JCAD: variants seen among roughly 807,000 people sequenced by gnomAD.
JCAD encodes the protein junctional cadherin 5-associated protein.
Under a neutral mutation model 98.0 loss-of-function variants are expected in JCAD, and 40 were observed. The observed-to-expected ratio is 0.41, with a 90% CI of 0.32 to 0.53. JCAD has a LOEUF of 0.53. JCAD is among the 20% of genes least tolerant of loss of function. The pLI, the probability that JCAD is intolerant of heterozygous loss-of-function variation, is 0.31. For missense variants in JCAD, 1,705 were observed against 1,738.1 expected (o/e 0.98, Z 0.34); for synonymous variants, 691 against 682.3 (o/e 1.01, Z -0.20).
intron 3 of JCAD, among the ~76,000 whole-genome samples, chr10:30,020,609 G>A (rs755838986): frequency 3.9e-5 from 6 of 152,156 alleles, no homozygotes; most frequent in African/African-American, 9.7e-5. Context: ...TTGCTCAAAC[G>A]TCATCAGCTG....
At chr10:30,068,890 C>T (rs1837832918) in intron 2 of JCAD, among the ~76,000 whole-genome samples, 1 of 152,232 alleles carries the variant, frequency 6.6e-6, no homozygotes, top group South Asian at 2.1e-4. Context: ...CTTGCCTTTC[C>T]TGTGAAAATC....
chr10:30,071,492 C>T (rs978452619), intron 1 of JCAD, among the ~76,000 whole-genome samples: 1 of 152,032 alleles, frequency 6.6e-6, no homozygotes, highest in African/African-American at 2.4e-5. Flanking sequence ...GGCTTAATAA[C>T]TGTGTTTAAG....
Position 30,029,082 on chromosome 10 carries a change from G to T in JCAD, c.1066C>A (p.Pro356Thr), listed in dbSNP as rs1234546117. The change falls in exon 3 of 4, where the codon CCC becomes ACC. Residue 356 changes from proline (P) to threonine (T), a missense_variant. Physicochemically the swap from Pro to Thr is conservative, Grantham distance 38. This residue lies in a region of JCAD where 275 missense variants were observed against 346.9 expected (regional missense o/e 0.79). Coordinates refer to ENST00000375377, the MANE Select transcript of JCAD (RefSeq NM_020848.4). ...YRSPPQNIPN[P>T]YLEDTVPINV... ...ATGGGCACCGTGTCTTCCAAGTAGG[G>T]GTTTGGGATGTTCTGCGGGGGCGAT... 1.2e-6 allele frequency: 2 copies of T among 1,614,072 alleles called. No homozygotes were observed. The highest frequency in any genetic ancestry group is 1.3e-5 in the African/African-American group (1 of 74,926).
rs1836554723 is a variant in JCAD, at chr10:30,017,318, C to G, written c.*565G>C. The G allele has an allele frequency of 6.5e-6, 1 of 154,316 alleles. No individual in the cohort carries two copies. The highest frequency in any genetic ancestry group is 1.4e-5 in the Non-Finnish European group (1 of 69,672). The allele number at this position is 154,316 out of a possible 1,614,324, so 9.6% of individuals were successfully genotyped here. ...AGATATTGCTTTTATTCTCTGATGG[C>G]AAGTTACTTATAAGTAAAGTTACTT... On this transcript the variant is annotated 3_prime_UTR_variant, in exon 4 of 4. Transcript: ENST00000375377.
In JCAD at chr10:30,076,127, G is replaced by A. The variant is rs1837976233; in HGVS notation, n.129-6306C>T. 2.6e-5 allele frequency among the ~76,000 whole-genome samples: 4 copies of A among 151,864 alleles called. No individual in the cohort carries two copies. The South Asian group carries it at 8.3e-4, about 32-fold the overall frequency. ...CAACCTCCACCTCCTGGGTTCAAGC[G>A]ATTCTCCTGCCTCAGCCTCCCGAGT... is the stretch of plus-strand genomic sequence containing the variant. On this transcript the variant is annotated intron_variant and non_coding_transcript_variant, in intron 1 of 2. Coordinates refer to the JCAD transcript ENST00000465712.
At chr10:30,111,276 G>C (rs1838697125) in intron 1 of JCAD, among the ~76,000 whole-genome samples, 1 of 152,072 alleles carries the variant, frequency 6.6e-6, no homozygotes, top group African/African-American at 2.4e-5. Context: ...ACTTCTTCTT[G>C]GGTGCATTTT....
intron 2 of JCAD, among the ~76,000 whole-genome samples, chr10:30,031,823 C>G (rs534838976): frequency 7.4e-6 from 1 of 134,422 alleles, no homozygotes; most frequent in African/African-American, 2.9e-5. Context: ...GGTGGGATCT[C>G]GGCTCACTGC....
In JCAD at chr10:30,029,628, G is replaced by C; in HGVS notation, c.520C>G (p.Arg174Gly). 1 of 1,614,156 alleles carries C rather than the reference G, an allele frequency of 6.2e-7. No individual in the cohort carries two copies. Among genetic ancestry groups the C allele is most frequent in the Non-Finnish European group, 8.5e-7 (1 of 1,180,020 alleles). ...TGCCACTTGGCAGGACCTGACATTCGCAATTCTTCTTCCCAAACTGGCTTC... is the reference window on the plus strand; with the variant it reads ...TGCCACTTGGCAGGACCTGACATTCCCAATTCTTCTTCCCAAACTGGCTTC... ...MKKPVWEEELRMSGPAKWQNV... is the reference protein window; with the variant it reads ...MKKPVWEEELGMSGPAKWQNV... The change falls in exon 3 of 4, where the codon CGA becomes GGA. Residue 174 changes from arginine (R) to glycine (G), a missense_variant. Arg to Gly is a moderately radical substitution (Grantham distance 125). Coordinates refer to ENST00000375377, the MANE Select transcript of JCAD (RefSeq NM_020848.4).
intron 1 of JCAD, among the ~76,000 whole-genome samples, chr10:30,096,559 C>T (rs1467858566): frequency 6.6e-6 from 1 of 151,532 alleles, no homozygotes; most frequent in East Asian, 1.9e-4. Context: ...TCTGTATCTT[C>T]TTATTTGCTA....
intron 1 of JCAD, among the ~76,000 whole-genome samples, chr10:30,096,509 G>A (rs1838371148): frequency 6.6e-6 from 1 of 152,056 alleles, no homozygotes; most frequent in Admixed American, 6.6e-5. Context: ...ATCACACCTT[G>A]ACATGACTTT....
chr10:30,078,415 C>T (rs1372569433), intron 1 of JCAD, among the ~76,000 whole-genome samples: 1 of 151,988 alleles, frequency 6.6e-6, no homozygotes, highest in Non-Finnish European at 1.5e-5. Flanking sequence ...TTTCTTTCTT[C>T]CTTTCTTTTT....
At chr10:30,094,293 T>C (rs1042491407) in intron 1 of JCAD, among the ~76,000 whole-genome samples, 20 of 142,752 alleles carry the variant, frequency 1.4e-4, no homozygotes, top group Non-Finnish European at 3.1e-4. Context: ...AAAAAAAAAA[T>C]ACAAAAATTA....
intron 1 of JCAD, among the ~76,000 whole-genome samples, chr10:30,101,461 G>C (rs898668811): frequency 1.3e-5 from 2 of 152,146 alleles, no homozygotes; most frequent in African/African-American, 2.4e-5. Flanking sequence ...GGTGTCATGA[G>C]GCATGTCTGA....
At position 30,026,832 on chromosome 10, in the gene JCAD, C is replaced by A; in HGVS notation, c.3316G>T (p.Ala1106Ser). 6.2e-7 allele frequency: 1 copy of A among 1,614,042 alleles called. No homozygotes were observed. Among genetic ancestry groups the A allele is most frequent in the South Asian group, 1.1e-5 (1 of 91,076 alleles). ...GGCTCAGCAGGCTGGTTCTGTCCCG[C>A]TCTCCGGATGCCCGGCAGGAGGGAC... Reference protein sequence around the residue: ...VESLLPGIRRAGQNQPAEPDA... With the variant: ...VESLLPGIRRSGQNQPAEPDA... Residue 1106 changes from alanine (A) to serine (S), a missense_variant, in exon 3 of 4, where the codon GCG (alanine) becomes TCG (serine). By Grantham distance (99) the Ala-to-Ser change is moderately conservative (BLOSUM62 1). This residue lies in a region of JCAD where 1,278 missense variants were observed against 1,243.1 expected (regional missense o/e 1.03). Transcript: ENST00000375377.
chr10:30,036,373 C>G (rs560058798), intron 2 of JCAD, among the ~76,000 whole-genome samples: 97 of 151,914 alleles, frequency 6.4e-4, no homozygotes, highest in African/African-American at 2.3e-3. Context: ...GGCTTGAACC[C>G]AGGAGGTGGA....
chr10:30,017,536 T>A lies in JCAD; in HGVS notation c.*347A>T. Reference sequence around the variant, plus strand: ...GCCTTTCCAAAGCATTTGCTAGATCTTCCACATTGAAATCTTCACCCAGAA... The same window carrying A: ...GCCTTTCCAAAGCATTTGCTAGATCATCCACATTGAAATCTTCACCCAGAA... On this transcript the variant is annotated 3_prime_UTR_variant, in exon 4 of 4. Transcript: ENST00000375377. The A allele has an allele frequency of 2.7e-6, 1 of 368,866 alleles. No individual in the cohort carries two copies. Among genetic ancestry groups the A allele is most frequent in the South Asian group, 2.9e-5 (1 of 34,312 alleles). The allele number at this position is 368,866 out of a possible 1,614,324, so 22.8% of individuals were successfully genotyped here. A position where few individuals can be genotyped will look rare whatever the true frequency, so the allele number is the denominator to read the frequency against.
At position 30,016,791 on chromosome 10, in the gene JCAD, T is replaced by C. The variant is rs942664793; in HGVS notation, c.*1092A>G. On this transcript the variant is annotated 3_prime_UTR_variant, in exon 4 of 4. Coordinates refer to ENST00000375377, the MANE Select transcript of JCAD (RefSeq NM_020848.4). ...ATTGTCATGACAATGTTGGCTGGTT[T>C]TCAGAGGGTTATTTTCAAATATAAC... is the stretch of plus-strand genomic sequence containing the variant. 2 of 152,222 alleles carry C rather than the reference T, an allele frequency of 1.3e-5. No individual in the cohort carries two copies. Among genetic ancestry groups the C allele is most frequent in the Non-Finnish European group, 2.9e-5 (2 of 68,048 alleles). 9.4% of individuals were successfully genotyped at this position (152,222 alleles called of 1,614,324 possible).
chr10:30,102,217 G>A (rs1445963829), intron 1 of JCAD, among the ~76,000 whole-genome samples: 2 of 152,140 alleles, frequency 1.3e-5, no homozygotes, highest in East Asian at 3.9e-4. Flanking sequence ...CGCCCAGGCT[G>A]GAGTGCAGTG....
At chr10:30,064,318 G>A (rs1034664297), upstream of JCAD, among the ~76,000 whole-genome samples, 5 of 152,128 alleles carry the variant, frequency 3.3e-5, no homozygotes, top group African/African-American at 1.2e-4. Context: ...ACCTTAGGTT[G>A]ACTCTGCAGA....
Sources: gnomAD v4.1 joint callset for allele counts (sites outside exome capture counted in the v4.1 genomes callset) on GRCh38, gnomAD v4.1.1 for gene constraint, gnomAD v4.1.1 regional missense constraint, MANE v1.5 for transcripts, NCBI Gene and HGNC (gene_info 2026-07-23, HGNC 2026-07-21) for gene names.